Variants in SCG5 observed in about 807,000 individuals in gnomAD.
SCG5 encodes the protein neuroendocrine protein 7B2.
A neutral mutation model predicts 25.7 loss-of-function variants in SCG5; 18 were observed. The observed-to-expected ratio is 0.70, with a 90% CI of 0.48 to 1.04. SCG5 has a LOEUF of 1.04. SCG5 is among the 50% of genes least tolerant of loss of function. SCG5 has a pLI of 0.00. For synonymous variants in SCG5, 101 were observed against 91.7 expected (o/e 1.10, Z -0.58); for missense variants, 206 against 259.8 (o/e 0.79, Z 1.42).
chr15:32,689,623 G>C (rs991423933), intron 4 of SCG5, among the ~76,000 whole-genome samples: 1 of 152,216 alleles, frequency 6.6e-6, no homozygotes, highest in Non-Finnish European at 1.5e-5. Context: ...GGCGTGAGGA[G>C]AGATAGCTGA....
intron 2 of SCG5, among the ~76,000 whole-genome samples, chr15:32,646,148 T>C (rs2053941761): frequency 6.6e-6 from 1 of 152,224 alleles, no homozygotes; most frequent in African/African-American, 2.4e-5. Flanking sequence ...CCTATCAGTA[T>C]CTGTGGAAGG....
chr15:32,669,852 A>G (rs1485402200), intron 2 of SCG5, among the ~76,000 whole-genome samples: 2 of 150,958 alleles, frequency 1.3e-5, no homozygotes, highest in African/African-American at 4.9e-5. Context: ...TAAACAGCCA[A>G]AACAAACACC....
At chr15:32,695,493 T>A in intron 5 of SCG5, among the ~76,000 whole-genome samples, 1 of 152,108 alleles carries the variant, frequency 6.6e-6, no homozygotes, top group East Asian at 1.9e-4. Context: ...TGGAAAAATA[T>A]TTACTCATTA....
intron 5 of SCG5, among the ~76,000 whole-genome samples, chr15:32,693,091 T>C (rs1429254913): frequency 6.6e-6 from 1 of 152,092 alleles, no homozygotes; most frequent in Non-Finnish European, 1.5e-5. Flanking sequence ...AAAATACACA[T>C]AATTTACCAG....
At chr15:32,655,550 C>T (rs781431302) in intron 2 of SCG5, among the ~76,000 whole-genome samples, 14 of 152,218 alleles carry the variant, frequency 9.2e-5, no homozygotes, top group Admixed American at 2.0e-4. Context: ...GGGAGGGCAA[C>T]GGGAAATCCC....
At chr15:32,642,092 T>C (rs912775551) in intron 1 of SCG5, among the ~76,000 whole-genome samples, 2 of 152,146 alleles carry the variant, frequency 1.3e-5, no homozygotes, top group Admixed American at 6.5e-5. Flanking sequence ...ATTTTGCTGT[T>C]AAACAGCTAC....
chr15:32,642,111 C>T (rs1008202352), intron 1 of SCG5, among the ~76,000 whole-genome samples: 1 of 152,026 alleles, frequency 6.6e-6, no homozygotes. Flanking sequence ...ACTCTCAGCT[C>T]TTTGGAGAGC....
intron 2 of SCG5, among the ~76,000 whole-genome samples, chr15:32,649,962 T>G (rs1446521240): frequency 2.0e-5 from 3 of 152,122 alleles, no homozygotes. Context: ...AAAAATAAAA[T>G]AAAATGGGGT....
At chr15:32,655,906 G>C (rs1406583017) in intron 2 of SCG5, among the ~76,000 whole-genome samples, 1 of 152,222 alleles carries the variant, frequency 6.6e-6, no homozygotes, top group East Asian at 1.9e-4. Context: ...TTTTACAGCA[G>C]CCTGAATGGA....
chr15:32,692,222 A>G, intron 5 of SCG5: 3 of 994,818 alleles, frequency 3.0e-6, no homozygotes, highest in Non-Finnish European at 3.6e-6. Context: ...GGAGCAAAAG[A>G]TGAGATGAAC....
intron 2 of SCG5, among the ~76,000 whole-genome samples, chr15:32,658,014 T>C (rs2054153851): frequency 6.6e-6 from 1 of 152,156 alleles, no homozygotes; most frequent in Non-Finnish European, 1.5e-5. Flanking sequence ...GCATGTTCCA[T>C]TGGTACTTGA....
intron 2 of SCG5, among the ~76,000 whole-genome samples, chr15:32,655,256 C>T (rs899926475): frequency 3.3e-5 from 5 of 151,510 alleles, no homozygotes; most frequent in African/African-American, 9.7e-5. Context: ...TGCAGTGAGC[C>T]GAGATCGTGC....
At position 32,692,733 on chromosome 15, in the gene SCG5, CTGGGCAGTGGTAATTG is replaced by C. The variant is rs367549707; in HGVS notation, c.543+974_543+989del. ...CTGGATCCTCACAAAATTTGGGAAT[CTGGGCAGTGGTAATTG>C]TGGCCATTCTGAAGGGTTTTGCCAA... On this transcript the variant is annotated intron_variant, in intron 5 of 5. Transcript: ENST00000300175. 1.8e-3 allele frequency among the ~76,000 whole-genome samples: 267 copies of C among 152,258 alleles called. 2 individuals are homozygous for C. Among genetic ancestry groups the C allele is most frequent in the Middle Eastern group, 0.014 (4 of 294 alleles).
chr15:32,693,350 A>T (rs2054896748), intron 5 of SCG5, among the ~76,000 whole-genome samples: 1 of 152,188 alleles, frequency 6.6e-6, no homozygotes, highest in Non-Finnish European at 1.5e-5. Context: ...TTTAGCCTCA[A>T]TTTCCTCCAC....
rs16963345 is a variant in SCG5 at position 32,668,937 on chromosome 15, T to C, written c.227-10829T>C. 0.018 allele frequency: 2,729 copies of C among 152,356 alleles called. 144 individuals are homozygous for C. In the East Asian group the frequency reaches 0.2, roughly 11 times the overall value. The allele number at this position is 152,356 out of a possible 1,614,324, so 9.4% of individuals were successfully genotyped here. A position where few individuals can be genotyped will look rare whatever the true frequency, so the allele number is the denominator to read the frequency against. On this transcript the variant is annotated intron_variant, in intron 2 of 5. Coordinates refer to ENST00000300175, the MANE Select transcript of SCG5 (RefSeq NM_001144757.3). The stretch of plus-strand genomic sequence containing the variant: ...TCCTATGCATTTACCTGGCTCTGGT[T>C]TGGCCCCTAATGTCTTTATTTCTGC...
chr15:32,680,193 T>A (rs1479174916), intron 3 of SCG5, among the ~76,000 whole-genome samples: 1 of 98,308 alleles, frequency 1.0e-5, no homozygotes, highest in African/African-American at 3.5e-5. Flanking sequence ...CACTTGCTAC[T>A]CTTTTTTTTT....
At chr15:32,659,292 C>T (rs774109532) in intron 2 of SCG5, among the ~76,000 whole-genome samples, 10 of 152,236 alleles carry the variant, frequency 6.6e-5, no homozygotes, top group Non-Finnish European at 1.0e-4. Flanking sequence ...GATCTTTCCT[C>T]TGGGAGCTCC....
At chr15:32,644,674 G>C (rs1339931089) in intron 2 of SCG5, among the ~76,000 whole-genome samples, 1 of 152,094 alleles carries the variant, frequency 6.6e-6, no homozygotes, top group East Asian at 1.9e-4. Flanking sequence ...TCTCCACTAA[G>C]GCAGAATCCT....
intron 2 of SCG5, among the ~76,000 whole-genome samples, chr15:32,671,610 A>G (rs142753110): frequency 6.6e-6 from 1 of 152,000 alleles, no homozygotes; most frequent in African/African-American, 2.4e-5. Context: ...CCAAGCGCAG[A>G]TTGTATAGAA....
Sources: allele counts gnomAD v4.1 joint callset (sites outside exome capture counted in the v4.1 genomes callset), GRCh38; gene constraint gnomAD v4.1.1; transcripts MANE v1.5; gene names NCBI Gene and HGNC (gene_info 2026-07-23, HGNC 2026-07-21).